NEK4: variants seen among roughly 807,000 people sequenced by gnomAD.
The protein encoded by NEK4 is serine/threonine-protein kinase Nek4.
A neutral mutation model predicts 98.4 loss-of-function variants in NEK4; 86 were observed. That is an observed-to-expected ratio of 0.87 (90% CI 0.73 to 1.05). The LOEUF (loss-of-function observed/expected upper bound fraction) is 1.05, where lower values mean the gene tolerates loss of function less well. Ranked by LOEUF, NEK4 falls within the 50% of genes least tolerant of loss-of-function variation. NEK4 has a pLI of 0.00. For synonymous variants in NEK4, 328 were observed against 342.2 expected (o/e 0.96, Z 0.46); for missense variants, 898 against 950.3 (o/e 0.94, Z 0.72).
Position 52,760,676 on chromosome 3 carries a change from T to C in NEK4, c.963+119A>G, listed in dbSNP as rs1005946041. On this transcript the variant is annotated intron_variant, in intron 6 of 15. Transcript: ENST00000233027. ...AGTATTCTTTCTTTACAGTAAGGAATTAATTGTACAACAGAATCTCTAGTA... is the reference window on the plus strand; with the variant it reads ...AGTATTCTTTCTTTACAGTAAGGAACTAATTGTACAACAGAATCTCTAGTA... 31 of 761,310 alleles carry C rather than the reference T, an allele frequency of 4.1e-5. No homozygotes were observed. In the South Asian group the frequency reaches 4.7e-4, roughly 12 times the overall value. The allele number at this position is 761,310 out of a possible 1,614,324, so 47.2% of individuals were successfully genotyped here.
rs1231427178 is a variant in NEK4 at position 52,709,341 on chromosome 3, G to GTTT, written c.*2435_*2436insAAA. ...TTAGGAAGATGAATTAAGCACTCAA[G>GTTT]TAAAAACGATAAAAGTGGGAAGAAA... On this transcript the variant is annotated 3_prime_UTR_variant, in exon 16 of 16. Coordinates refer to ENST00000233027, the MANE Select transcript of NEK4 (RefSeq NM_003157.6). 3 of 152,084 alleles carry GTTT rather than the reference G, an allele frequency of 2.0e-5. No individual in the cohort carries two copies. The highest frequency in any genetic ancestry group is 7.2e-5 in the African/African-American group (3 of 41,404). The allele number at this position is 152,084 out of a possible 1,614,324, so 9.4% of individuals were successfully genotyped here. A position where few individuals can be genotyped will look rare whatever the true frequency, so the allele number is the denominator to read the frequency against.
chr3:52,738,148 T>C (rs1288100147), intron 14 of NEK4, among the ~76,000 whole-genome samples: 1 of 151,658 alleles, frequency 6.6e-6, no homozygotes, highest in Admixed American at 6.6e-5. Flanking sequence ...TCTTGCACTG[T>C]CATAGGGATG....
At chr3:52,756,878 T>C (rs2097415992) in intron 6 of NEK4, among the ~76,000 whole-genome samples, 1 of 152,172 alleles carries the variant, frequency 6.6e-6, no homozygotes, top group Non-Finnish European at 1.5e-5. Context: ...ATCCTGAATA[T>C]ATGGAGAACT....
At position 52,760,150 on chromosome 3, in the gene NEK4, T is replaced by C. The variant is rs1396049871; in HGVS notation, c.963+645A>G. On this transcript the variant is annotated intron_variant, in intron 6 of 15. Coordinates refer to ENST00000233027, the MANE Select transcript of NEK4 (RefSeq NM_003157.6). ...TTTGGAACTACATAGAAGTGACGGT[T>C]GCACTACACTGTGAATGTACTGGCC... 4.6e-5 allele frequency among the ~76,000 whole-genome samples: 7 copies of C among 152,342 alleles called. No individual in the cohort carries two copies. In the East Asian group the frequency reaches 7.7e-4, roughly 17 times the overall value.
At chr3:52,749,235 C>T (rs184665794) in intron 8 of NEK4, among the ~76,000 whole-genome samples, 14 of 151,916 alleles carry the variant, frequency 9.2e-5, no homozygotes, top group Admixed American at 7.2e-4. Context: ...CAGGTTCAAG[C>T]GATTCTCCTG....
chr3:52,752,328 G>GCCTT lies in NEK4; in HGVS notation c.968_971dup (p.Lys325ArgfsTer41). ...TGGGTTTCTCCTGGGACAAACATTT[G>GCCTT]CCTTCACCCTGAATGAAAAGATGTT... On this transcript the variant is annotated frameshift_variant, in exon 7 of 16. Coordinates refer to ENST00000233027, the MANE Select transcript of NEK4 (RefSeq NM_003157.6). LOFTEE classifies it high-confidence loss of function. The GCCTT allele has an allele frequency of 6.2e-7, 1 of 1,609,766 alleles. No homozygotes were observed. Among genetic ancestry groups the GCCTT allele is most frequent in the Admixed American group, 1.7e-5 (1 of 59,408 alleles).
At chr3:52,725,339 G>A (rs1018267826) in intron 15 of NEK4, among the ~76,000 whole-genome samples, 11 of 151,806 alleles carry the variant, frequency 7.2e-5, no homozygotes, top group African/African-American at 1.9e-4. Context: ...GTGAAACCCC[G>A]TCTCTACTAA....
chr3:52,726,528 G>A (rs563461690), intron 15 of NEK4, among the ~76,000 whole-genome samples: 207 of 150,828 alleles, frequency 1.4e-3, no homozygotes, highest in South Asian at 4.6e-3. Flanking sequence ...GAATCCGGGA[G>A]GCAGAGCTTG....
intron 6 of NEK4, among the ~76,000 whole-genome samples, chr3:52,755,474 GA>G (rs927400114): frequency 6.9e-6 from 1 of 144,630 alleles, no homozygotes; most frequent in Non-Finnish European, 1.5e-5. Flanking sequence ...TCAGGGCTGT[GA>G]AAAAAAAACA....
rs1490499440 is a variant in NEK4 at position 52,770,665 on chromosome 3, C to A, written c.82G>T (p.Asp28Tyr). The A allele has an allele frequency of 1.7e-5, 26 of 1,559,676 alleles. No individual in the cohort carries two copies. The highest frequency in any genetic ancestry group is 2.3e-5 in the Non-Finnish European group (26 of 1,152,806). ...GEVTLVKHRR[D>Y]GKQYVIKKLN... ...CCACCCCTGCAGACCTGCTTGCCGT[C>A]CCGCCGGTGCTTCACAAGCGTCACC... is the stretch of plus-strand genomic sequence containing the variant. Residue 28 changes from aspartate (D) to tyrosine (Y), a missense_variant, in exon 1 of 16, where the codon GAC (aspartate) becomes TAC (tyrosine). Physicochemically the swap from Asp to Tyr is radical, Grantham distance 160. Transcript: ENST00000233027.
Position 52,737,530 on chromosome 3 carries a change from GTTGT to G in NEK4, c.2433+52_2433+55del, listed in dbSNP as rs531138616. The G allele has an allele frequency of 3.8e-4, 601 of 1,573,414 alleles. 7 individuals are homozygous for G. In the South Asian group the frequency reaches 5.8e-3, roughly 15 times the overall value. On this transcript the variant is annotated intron_variant, in intron 15 of 15. Transcript: ENST00000233027. ...TTATGTGTGATTTATATTTCAAAAGGTTGTTTAAAAAATTCTATAACATAAGCAT... is the reference window on the plus strand; with the variant it reads ...TTATGTGTGATTTATATTTCAAAAGGTTAAAAAATTCTATAACATAAGCAT...
intron 13 of NEK4, among the ~76,000 whole-genome samples, chr3:52,740,600 C>T (rs1429427159): frequency 6.6e-6 from 1 of 151,524 alleles, no homozygotes; most frequent in African/African-American, 2.4e-5. Flanking sequence ...GAGTTCGAGA[C>T]CAGCCTTGCC....
intron 15 of NEK4, among the ~76,000 whole-genome samples, chr3:52,720,304 G>A (rs1266761557): frequency 2.0e-5 from 3 of 151,840 alleles, no homozygotes; most frequent in African/African-American, 4.8e-5. Flanking sequence ...TCCAGCCTGG[G>A]TGACAGAGCA....
rs375448208 is a variant in NEK4 at position 52,750,254 on chromosome 3, A to G, written c.1369-425T>C. On this transcript the variant is annotated intron_variant, in intron 7 of 15. Transcript: ENST00000233027. The stretch of plus-strand genomic sequence containing the variant: ...TACATCAACTGATGAATGGATGAAT[A>G]AAATATATATAGGCTGGGTGTGGTG... Among the ~76,000 whole-genome samples the G allele has an allele frequency of 2.6e-5, 4 of 152,322 alleles. No homozygotes were observed. In the South Asian group the frequency reaches 8.3e-4, roughly 32 times the overall value.
intron 15 of NEK4, among the ~76,000 whole-genome samples, chr3:52,726,960 A>T (rs2097365178): frequency 7.2e-6 from 1 of 138,972 alleles, no homozygotes; most frequent in South Asian, 2.3e-4. Flanking sequence ...TCTAACAGGC[A>T]TCTAAAACTT....
At position 52,768,457 on chromosome 3, in the gene NEK4, T is replaced by C. The variant is rs2154107295; in HGVS notation, c.241A>G (p.Ile81Val). Reference protein sequence around the residue: ...SWEGGDGLLYIVMGFCEGGDL... With the variant: ...SWEGGDGLLYVVMGFCEGGDL... ...CCTCCTTCACAGAAGCCCATGACAA[T>C]GTAGAGCAGACCATCTCCTCCTTCC... is the stretch of plus-strand genomic sequence containing the variant. The change falls in exon 2 of 16, where the codon ATT (isoleucine) becomes GTT (valine). Residue 81 changes from isoleucine (I) to valine (V), a missense_variant. By Grantham distance (29) the Ile-to-Val change is conservative (BLOSUM62 3). Coordinates refer to ENST00000233027, the MANE Select transcript of NEK4 (RefSeq NM_003157.6). 1 of 1,614,180 alleles carries C rather than the reference T, an allele frequency of 6.2e-7. No homozygotes were observed. The highest frequency in any genetic ancestry group is 8.5e-7 in the Non-Finnish European group (1 of 1,180,030).
intron 7 of NEK4, 127 bp downstream of exon 7, chr3:52,751,805 T>C: frequency 1.1e-6 from 1 of 925,616 alleles, no homozygotes; most frequent in Non-Finnish European, 1.6e-6. Context: ...ATGCAAATAT[T>C]CTTCTATGTT....
At chr3:52,752,430 A>C in intron 6 of NEK4, 94 bp from the exon 7 acceptor site, 2 of 1,219,398 alleles carry the variant, frequency 1.6e-6, no homozygotes, top group South Asian at 2.9e-5. Context: ...CAAAAAGTTA[A>C]ACATAGAATT....
intron 3 of NEK4, 72 bp downstream of exon 3, chr3:52,766,106 C>G (rs373055198): frequency 6.1e-6 from 9 of 1,474,958 alleles, no homozygotes; most frequent in Non-Finnish European, 8.4e-6. Flanking sequence ...AATTCTCTGA[C>G]TTAATTAACT....
Sources: allele counts gnomAD v4.1 joint callset (sites outside exome capture counted in the v4.1 genomes callset), GRCh38; gene constraint gnomAD v4.1.1; transcripts MANE v1.5; gene names NCBI Gene and HGNC (gene_info 2026-07-23, HGNC 2026-07-21).